The following CTNND2 variants were observed in gnomAD, a reference collection of about 807,000 sequenced individuals.
CTNND2 encodes the protein catenin delta 2.
Under a neutral mutation model 144.4 loss-of-function variants are expected in CTNND2, and 22 were observed. That is an observed-to-expected ratio of 0.15 (90% CI 0.11 to 0.22). The LOEUF (loss-of-function observed/expected upper bound fraction) is 0.22. Among genes scored for constraint, CTNND2 ranks in the 10% least tolerant of loss-of-function variants. CTNND2 has a pLI of 1.00. For synonymous variants in CTNND2, 751 were observed against 695.6 expected (o/e 1.08, Z -1.25); for missense variants, 1,353 against 1,618.8 (o/e 0.84, Z 2.82).
intron 10 of CTNND2, among the ~76,000 whole-genome samples, chr5:11,233,145 T>A (rs556869617): frequency 3.9e-4 from 59 of 152,258 alleles, no homozygotes; most frequent in African/African-American, 1.3e-3. Flanking sequence ...CATAGCAGCA[T>A]GAGAATGGAC....
intron 2 of CTNND2, among the ~76,000 whole-genome samples, chr5:11,689,877 C>G (rs1019547909): frequency 6.6e-6 from 1 of 152,194 alleles, no homozygotes; most frequent in Non-Finnish European, 1.5e-5. Context: ...ACAGCAGAAG[C>G]TATTTTGTTA....
intron 2 of CTNND2, among the ~76,000 whole-genome samples, chr5:11,603,814 AC>A (rs1779924169): frequency 6.6e-6 from 1 of 152,210 alleles, no homozygotes. Context: ...AAGGGCAACG[AC>A]AGATGTGGTC....
At chr5:11,178,593 T>C (rs1333543979) in intron 11 of CTNND2, among the ~76,000 whole-genome samples, 1 of 152,168 alleles carries the variant, frequency 6.6e-6, no homozygotes, top group East Asian at 1.9e-4. Context: ...TAATGGAAGA[T>C]GATGCTAACA....
chr5:11,342,415 C>T (rs1053412676), intron 9 of CTNND2, among the ~76,000 whole-genome samples: 1 of 152,102 alleles, frequency 6.6e-6, no homozygotes, highest in Non-Finnish European at 1.5e-5. Flanking sequence ...ATAATTTGGG[C>T]CCAGCATCAG....
intron 16 of CTNND2, among the ~76,000 whole-genome samples, chr5:11,026,026 T>C (rs1460884947): frequency 5.3e-5 from 8 of 152,294 alleles, no homozygotes; most frequent in Admixed American, 3.9e-4. Context: ...GGTGGTCAAA[T>C]TGTTTCCTTT....
intron 3 of CTNND2, among the ~76,000 whole-genome samples, chr5:11,428,410 C>T (rs569481722): frequency 6.6e-6 from 1 of 152,302 alleles, no homozygotes; most frequent in Admixed American, 6.5e-5. Context: ...CTTGACCTAA[C>T]TTGAGGACCC....
chr5:11,035,242 A>G (rs779090478), intron 16 of CTNND2, among the ~76,000 whole-genome samples: 8 of 152,074 alleles, frequency 5.3e-5, no homozygotes, highest in Admixed American at 6.5e-5. Flanking sequence ...CTAGGCTTCA[A>G]TTAGGGTGTG....
chr5:11,137,205 A>G (rs186082297), intron 12 of CTNND2, among the ~76,000 whole-genome samples: 2 of 152,368 alleles, frequency 1.3e-5, no homozygotes, highest in African/African-American at 4.8e-5. Context: ...CAGAAAAGCC[A>G]TATGAGGAAT....
chr5:11,182,655 A>T (rs942752738), intron 11 of CTNND2, among the ~76,000 whole-genome samples: 1 of 152,196 alleles, frequency 6.6e-6, no homozygotes. Flanking sequence ...CTATCTTTGT[A>T]TAAAAGAGAT....
intron 16 of CTNND2, among the ~76,000 whole-genome samples, chr5:11,053,269 C>A (rs1212825805): frequency 6.6e-6 from 1 of 151,982 alleles, no homozygotes; most frequent in African/African-American, 2.4e-5. Context: ...AAGTTTGAGA[C>A]AAAAATAAAA....
At chr5:11,126,303 A>G (rs1754669169) in intron 12 of CTNND2, among the ~76,000 whole-genome samples, 1 of 152,040 alleles carries the variant, frequency 6.6e-6, no homozygotes. Flanking sequence ...CTCTGTCTCA[A>G]AAAAAAAGAA....
At position 11,714,369 on chromosome 5, in the gene CTNND2, T is replaced by C. The variant is rs537586478; in HGVS notation, c.174+17767A>G. Among the ~76,000 whole-genome samples the C allele has an allele frequency of 7.7e-4, 117 of 152,316 alleles. 1 individual carries two copies. Among genetic ancestry groups the C allele is most frequent in the Middle Eastern group, 3.4e-3 (1 of 294 alleles). ...ATTACTGCATGAATTTCTCTCTTCC[T>C]CTCTCAATACCTTACTCTGGTAAAG... On this transcript the variant is annotated intron_variant, in intron 2 of 21. Coordinates refer to ENST00000304623, the MANE Select transcript of CTNND2 (RefSeq NM_001332.4).
chr5:11,653,635 T>C (rs1782763797), intron 2 of CTNND2, among the ~76,000 whole-genome samples: 2 of 152,128 alleles, frequency 1.3e-5, no homozygotes, highest in African/African-American at 4.8e-5. Context: ...ATATTTTGGA[T>C]ATTAGCCTTC....
chr5:11,763,487 T>C (rs1289382879), intron 1 of CTNND2, among the ~76,000 whole-genome samples: 1 of 152,192 alleles, frequency 6.6e-6, no homozygotes, highest in East Asian at 1.9e-4. Flanking sequence ...GGCTTATTAA[T>C]GTTCCACCTG....
chr5:11,842,672 TG>T (rs1794531639), intron 1 of CTNND2, among the ~76,000 whole-genome samples: 1 of 149,412 alleles, frequency 6.7e-6, no homozygotes, highest in African/African-American at 2.5e-5. Context: ...TGAACGGAGA[TG>T]GTGCCACTGC....
intron 11 of CTNND2, among the ~76,000 whole-genome samples, chr5:11,164,451 A>C (rs1010710858): frequency 1.3e-5 from 2 of 152,172 alleles, no homozygotes; most frequent in African/African-American, 4.8e-5. Flanking sequence ...ACATTCATTC[A>C]TTCATTTATC....
At chr5:11,378,747 C>G (rs961794306) in intron 7 of CTNND2, among the ~76,000 whole-genome samples, 1 of 152,230 alleles carries the variant, frequency 6.6e-6, no homozygotes, top group African/African-American at 2.4e-5. Flanking sequence ...GAAAACCTCA[C>G]TGCAGAGATT....
At chr5:11,613,404 C>T (rs546994370) in intron 2 of CTNND2, among the ~76,000 whole-genome samples, 2 of 152,248 alleles carry the variant, frequency 1.3e-5, no homozygotes, top group African/African-American at 4.8e-5. Flanking sequence ...TAAGCAAACC[C>T]TGATGCTTCC....
At chr5:11,742,346 CCTTCAGCA>C (rs1236822857) in intron 1 of CTNND2, among the ~76,000 whole-genome samples, 2 of 152,104 alleles carry the variant, frequency 1.3e-5, no homozygotes, top group Non-Finnish European at 1.5e-5. Flanking sequence ...TCTTCTTTTA[CCTTCAGCA>C]ACAGACTTCA....
Sources: gnomAD v4.1 joint callset for allele counts (sites outside exome capture counted in the v4.1 genomes callset) on GRCh38, gnomAD v4.1.1 for gene constraint, MANE v1.5 for transcripts, NCBI Gene and HGNC (gene_info 2026-07-23, HGNC 2026-07-21) for gene names.